GNG4: variants seen among roughly 807,000 people sequenced by gnomAD.
GNG4 encodes the protein G protein subunit gamma 4.
GNG4 carries 4 observed loss-of-function variants against 5.8 expected under a neutral mutation model. That is an observed-to-expected ratio of 0.69 (90% CI 0.34 to 1.57). The LOEUF is 1.57. Among genes scored for constraint, GNG4 ranks in the 40% most tolerant of loss-of-function variants. The pLI, the probability that GNG4 is intolerant of heterozygous loss-of-function variation, is 0.06. For synonymous variants in GNG4, 29 were observed against 32.9 expected, an observed-to-expected ratio of 0.88 and a Z score of 0.41; for missense variants, 96 against 95.1, an observed-to-expected ratio of 1.01 and a Z score of -0.04.
chr1:235,589,707 A>G (rs1687914966), intron 2 of GNG4, among the ~76,000 whole-genome samples: 1 of 152,184 alleles, frequency 6.6e-6, no homozygotes, highest in Non-Finnish European at 1.5e-5. Context: ...ACGGAGGGAC[A>G]AGGGGAGAAA....
rs1418879639 is a variant in GNG4 at position 235,648,009 on chromosome 1, G to C, written c.-123+1653C>G. Among the ~76,000 whole-genome samples the C allele has an allele frequency of 6.6e-6, 1 of 151,808 alleles. No homozygotes were observed. Among genetic ancestry groups the C allele is most frequent in the Admixed American group, 6.5e-5 (1 of 15,270 alleles). On this transcript the variant is annotated intron_variant, in intron 1 of 3. Transcript: ENST00000391854. This position sits in a 1 kb window ranked among gnomAD's most constrained non-coding sequence, Gnocchi z 5.0. Reference sequence around the variant, plus strand: ...ACTTTTGCTTTAAAAACTGTAAAGTGAATCTAGGAAAAGCTTTTTTTTTTT... The same window carrying C: ...ACTTTTGCTTTAAAAACTGTAAAGTCAATCTAGGAAAAGCTTTTTTTTTTT...
rs1268941413 is a variant in GNG4, at chr1:235,587,299, TGTGAGG to T, written c.-10-3457_-10-3452del. ...GTGTGAAGGTGTGGGTTGGGGTGTG[TGTGAGG>T]GTGAGGGGTGTGTGTGTGTGAGAGT... On this transcript the variant is annotated intron_variant, in intron 2 of 3. Coordinates refer to ENST00000391854, the MANE Select transcript of GNG4 (RefSeq NM_001098722.2). Among the ~76,000 whole-genome samples, 16 of 63,264 alleles carry T rather than the reference TGTGAGG, an allele frequency of 2.5e-4. 1 individual carries two copies. In the South Asian group the frequency reaches 7.7e-3, roughly 30 times the overall value. The allele number at this position is 63,264 out of a possible 152,430, so 41.5% of individuals were successfully genotyped here.
chr1:235,603,884 C>T (rs879604651), intron 1 of GNG4, among the ~76,000 whole-genome samples: 8 of 152,084 alleles, frequency 5.3e-5, no homozygotes, highest in Admixed American at 2.6e-4. Context: ...GGCAGACCAG[C>T]GGTTATACTT....
chr1:235,628,481 G>A (rs902521147), intron 1 of GNG4, among the ~76,000 whole-genome samples: 2 of 151,976 alleles, frequency 1.3e-5, no homozygotes, highest in East Asian at 3.9e-4. Flanking sequence ...AGGAGGTCAT[G>A]GGCAGTCTTG....
At chr1:235,595,954 C>T (rs1688112106) in intron 1 of GNG4, among the ~76,000 whole-genome samples, 1 of 151,324 alleles carries the variant, frequency 6.6e-6, no homozygotes, top group Non-Finnish European at 1.5e-5. Context: ...GCGGGCGGAT[C>T]ACGAGGTCAG....
intron 3 of GNG4, among the ~76,000 whole-genome samples, chr1:235,565,321 T>C (rs1205940834): frequency 6.6e-6 from 1 of 151,932 alleles, no homozygotes; most frequent in African/African-American, 2.4e-5. Context: ...GCCAACATGG[T>C]GAAACCCCAT....
chr1:235,591,076 T>C (rs1687949713), intron 2 of GNG4, among the ~76,000 whole-genome samples: 1 of 152,200 alleles, frequency 6.6e-6, no homozygotes, highest in Admixed American at 6.5e-5. Context: ...TCACTGACTG[T>C]TGGTATTGCA....
At chr1:235,592,227 C>G (rs1278797445) in intron 2 of GNG4, among the ~76,000 whole-genome samples, 1 of 152,106 alleles carries the variant, frequency 6.6e-6, no homozygotes, top group African/African-American at 2.4e-5. Flanking sequence ...CTTCCTGGGC[C>G]GGGTACAGTG....
Position 235,649,388 on chromosome 1 carries a change from C to T in GNG4, c.-123+274G>A, listed in dbSNP as rs1657599660. Among the ~76,000 whole-genome samples the T allele has an allele frequency of 6.6e-6, 1 of 152,134 alleles. No homozygotes were observed. Among genetic ancestry groups the T allele is most frequent in the Non-Finnish European group, 1.5e-5 (1 of 67,996 alleles). ...TGCCGGAGGGACCGGGCGCCCCCAGCCCCGGAAGCCCCTGGACGCGCTCCG... is the reference window on the plus strand; with the variant it reads ...TGCCGGAGGGACCGGGCGCCCCCAGTCCCGGAAGCCCCTGGACGCGCTCCG... On this transcript the variant is annotated intron_variant, in intron 1 of 3. Coordinates refer to ENST00000391854, the MANE Select transcript of GNG4 (RefSeq NM_001098722.2). The surrounding 1 kb of genome is among the most constrained non-coding windows in gnomAD (Gnocchi z 5.7).
intron 1 of GNG4, among the ~76,000 whole-genome samples, chr1:235,636,728 A>C (rs978688053): frequency 6.6e-6 from 1 of 152,208 alleles, no homozygotes; most frequent in African/African-American, 2.4e-5. Context: ...CAATACTGAC[A>C]GGCGATGGCA....
chr1:235,564,753 T>A (rs567636240), intron 3 of GNG4, among the ~76,000 whole-genome samples: 14 of 152,324 alleles, frequency 9.2e-5, no homozygotes, highest in African/African-American at 3.1e-4. Flanking sequence ...TGGCACAATC[T>A]CAGCTCACTG....
intron 2 of GNG4, among the ~76,000 whole-genome samples, chr1:235,587,473 T>C (rs1687816511): frequency 3.5e-4 from 1 of 2,874 alleles, no homozygotes. Context: ...GGGGGGTGAG[T>C]GTGAGAGTGT....
chr1:235,577,908 A>G (rs1488404169), intron 3 of GNG4, among the ~76,000 whole-genome samples: 1 of 152,150 alleles, frequency 6.6e-6, no homozygotes, highest in Non-Finnish European at 1.5e-5. Flanking sequence ...CCCATCCCAG[A>G]AAGGCCATTG....
chr1:235,635,625 G>T (rs1689021015), intron 1 of GNG4, among the ~76,000 whole-genome samples: 1 of 19,646 alleles, frequency 5.1e-5, no homozygotes, highest in African/African-American at 3.4e-4. Context: ...ACAACCTGCA[G>T]AACTGTCGGC....
At chr1:235,629,988 A>G (rs1257360888) in intron 1 of GNG4, among the ~76,000 whole-genome samples, 3 of 152,058 alleles carry the variant, frequency 2.0e-5, no homozygotes, top group Non-Finnish European at 2.9e-5. Flanking sequence ...TCTTCATCAC[A>G]TTGTTCCCCT....
chr1:235,647,779 C>T (rs1303448559), intron 1 of GNG4, among the ~76,000 whole-genome samples: 5 of 152,190 alleles, frequency 3.3e-5, no homozygotes, highest in South Asian at 2.1e-4. Flanking sequence ...GGATTACAGG[C>T]GTGCACCACC....
At chr1:235,650,194 C>A (rs896462662), upstream of GNG4, among the ~76,000 whole-genome samples, 3 of 142,084 alleles carry the variant, frequency 2.1e-5, no homozygotes, top group East Asian at 2.1e-4. Flanking sequence ...GCCCCGCCCC[C>A]CCGGAGCCCG....
intron 1 of GNG4, among the ~76,000 whole-genome samples, chr1:235,624,772 T>A (rs72761761): frequency 0.028 from 4,319 of 152,302 alleles, 85 homozygotes; most frequent in Middle Eastern, 0.055. Context: ...AAGGTTTCCT[T>A]GTTGCCTTTG....
chr1:235,562,258 T>A (rs573671963), intron 3 of GNG4, among the ~76,000 whole-genome samples: 12 of 152,348 alleles, frequency 7.9e-5, no homozygotes, highest in Admixed American at 2.0e-4. Flanking sequence ...CCAACTTTGT[T>A]CTTCTCCTTC....
Sources: gnomAD v4.1 joint callset for allele counts (sites outside exome capture counted in the v4.1 genomes callset) on GRCh38, gnomAD v4.1.1 for gene constraint, Gnocchi (gnomAD v3.1) non-coding constraint, MANE v1.5 for transcripts, NCBI Gene and HGNC (gene_info 2026-07-23, HGNC 2026-07-21) for gene names.